Variants in EWSR1 observed in about 807,000 individuals in gnomAD.
EWSR1 encodes RNA-binding protein EWS.
In EWSR1, 14 loss-of-function variants were observed where a neutral mutation model predicts 92.1. The observed-to-expected ratio is 0.15, with a 90% CI of 0.10 to 0.24. The LOEUF (loss-of-function observed/expected upper bound fraction) is 0.24. Among genes scored for constraint, EWSR1 ranks in the 10% least tolerant of loss-of-function variants. The pLI, the probability that EWSR1 is intolerant of heterozygous loss-of-function variation, is 1.00. For synonymous variants in EWSR1, 303 were observed against 292.9 expected, an observed-to-expected ratio of 1.03 and a Z score of -0.35; for missense variants, 637 against 870.9, an observed-to-expected ratio of 0.73 and a Z score of 3.38.
chr22:29,272,833 C>A (rs568877345), intron 3 of EWSR1, among the ~76,000 whole-genome samples: 1 of 152,146 alleles, frequency 6.6e-6, no homozygotes, highest in Non-Finnish European at 1.5e-5. Flanking sequence ...CAGTAAGTGG[C>A]GGGGTTAGCT....
chr22:29,268,287 G>T lies in EWSR1; in HGVS notation c.-50G>T, dbSNP rs1281151601. Reference sequence around the variant, plus strand: ...GCCTGCGCAGTGCGGCGCCTAGAGGGAAAGCGAGAGGGAGACGGACGTTGA... The same window carrying T: ...GCCTGCGCAGTGCGGCGCCTAGAGGTAAAGCGAGAGGGAGACGGACGTTGA... On this transcript the variant is annotated 5_prime_UTR_variant, in exon 1 of 17. Coordinates refer to ENST00000397938, the MANE Select transcript of EWSR1 (RefSeq NM_005243.4). 6.2e-7 allele frequency: 1 copy of T among 1,607,460 alleles called. No homozygotes were observed. Among genetic ancestry groups the T allele is most frequent in the Non-Finnish European group, 8.5e-7 (1 of 1,174,048 alleles).
chr22:29,287,201 T>G, intron 7 of EWSR1, 67 bp downstream of exon 7: 1 of 1,485,058 alleles, frequency 6.7e-7, no homozygotes, highest in South Asian at 1.2e-5. Context: ...GGGGTTGATT[T>G]TTTTTGTTGG....
intron 1 of EWSR1, chr22:29,269,472 G>A (rs1304672351): frequency 1.3e-5 from 2 of 152,240 alleles, no homozygotes; most frequent in African/African-American, 4.8e-5. Flanking sequence ...ACTAACCCGC[G>A]AAAATTGGCA....
At position 29,292,564 on chromosome 22, in the gene EWSR1, A is replaced by T. The variant is rs1313671740; in HGVS notation, c.1122A>T (p.Leu374=). The change falls in exon 11 of 17, where the codon CTA becomes CTT. Residue 374 remains leucine (L), a synonymous_variant. Transcript: ENST00000397938. ...YVQGLNDSVT[L]DDLADFFKQC... ...AAGGATTAAATGACAGTGTGACTCT[A>T]GATGATCTGGCAGACTTCTTTAAGC... is the stretch of plus-strand genomic sequence containing the variant. 1 of 1,614,028 alleles carries T rather than the reference A, an allele frequency of 6.2e-7. No homozygotes were observed. The highest frequency in any genetic ancestry group is 1.7e-5 in the Admixed American group (1 of 60,016).
At chr22:29,282,813 A>G (rs1360134439) in intron 6 of EWSR1, among the ~76,000 whole-genome samples, 1 of 141,618 alleles carries the variant, frequency 7.1e-6, no homozygotes, top group East Asian at 2.1e-4. Flanking sequence ...CCCAGGCTGG[A>G]GTGCAGTGGC....
intron 6 of EWSR1, among the ~76,000 whole-genome samples, chr22:29,283,502 C>T (rs534315119): frequency 6.6e-6 from 1 of 151,128 alleles, no homozygotes; most frequent in South Asian, 2.1e-4. Context: ...GTGCATGCCA[C>T]CACACCTGAC....
chr22:29,290,459 C>T, intron 8 of EWSR1: 1 of 1,613,516 alleles, frequency 6.2e-7, no homozygotes, highest in Non-Finnish European at 8.5e-7. Flanking sequence ...TAAAAAGTAC[C>T]CGTACTCAGT....
At chr22:29,291,505 C>G in intron 8 of EWSR1, 57 bp from the exon 9 acceptor site, 4 of 1,571,896 alleles carry the variant, frequency 2.5e-6, no homozygotes, top group Non-Finnish European at 3.5e-6. Context: ...CCCCAAGGCT[C>G]AGAGCGGTAC....
intron 6 of EWSR1, among the ~76,000 whole-genome samples, chr22:29,284,362 G>A (rs897308724): frequency 1.3e-5 from 2 of 151,304 alleles, no homozygotes; most frequent in South Asian, 4.1e-4. Context: ...TAGAAGTAGC[G>A]GTTCCCTTTT....
rs574186075 is a variant in EWSR1 at position 29,295,919 on chromosome 22, A to G, written c.1165-320A>G. On this transcript the variant is annotated intron_variant, in intron 11 of 16. Coordinates refer to ENST00000397938, the MANE Select transcript of EWSR1 (RefSeq NM_005243.4). ...GTGGTATCAAAGTCTGACTACCCCT[A>G]CGAGGTGGCTGTGCTCAGTGGATAC... 2.0e-5 allele frequency: 6 copies of G among 302,586 alleles called. No homozygotes were observed. In the East Asian group the frequency reaches 2.6e-4, roughly 13 times the overall value. 18.7% of individuals were successfully genotyped at this position (302,586 alleles called of 1,614,324 possible). A position where few individuals can be genotyped will look rare whatever the true frequency, so the allele number is the denominator to read the frequency against.
At chr22:29,273,653 G>C in intron 3 of EWSR1, 88 bp from the exon 4 acceptor site, 2 of 1,440,446 alleles carry the variant, frequency 1.4e-6, no homozygotes, top group Non-Finnish European at 1.9e-6. Flanking sequence ...GAATGTTTTT[G>C]ATTTTGGTTC....
At chr22:29,275,126 G>T (rs552689751) in intron 4 of EWSR1, among the ~76,000 whole-genome samples, 40 of 152,308 alleles carry the variant, frequency 2.6e-4, no homozygotes, top group Non-Finnish European at 4.7e-4. Context: ...TTCTAGTGGT[G>T]TTAATTGCAG....
At chr22:29,292,860 G>A (rs148287921) in intron 11 of EWSR1, among the ~76,000 whole-genome samples, 1,559 of 149,208 alleles carry the variant, frequency 0.01, 20 homozygotes, top group Non-Finnish European at 0.012. Flanking sequence ...CTGTTCAAGC[G>A]AATCTCCTGC....
intron 8 of EWSR1, chr22:29,289,478 T>TG (rs2060287615): frequency 4.3e-6 from 1 of 232,612 alleles, no homozygotes; most frequent in South Asian, 1.8e-4. Flanking sequence ...GACATAACCC[T>TG]GCTGCCTCTG....
Position 29,297,810 on chromosome 22 carries a change from C to T in EWSR1, c.1295-17C>T, listed in dbSNP as rs369222077. On this transcript the variant is annotated splice_polypyrimidine_tract_variant and intron_variant, in intron 12 of 16. Coordinates refer to ENST00000397938, the MANE Select transcript of EWSR1 (RefSeq NM_005243.4). Reference sequence around the variant, plus strand: ...GGAGTACAGGGGAGTAATTGATGTTCTGTTGTCTTGTTCCAGGGAAAGATT... The same window carrying T: ...GGAGTACAGGGGAGTAATTGATGTTTTGTTGTCTTGTTCCAGGGAAAGATT... 7 of 1,613,302 alleles carry T rather than the reference C, an allele frequency of 4.3e-6. No homozygotes were observed. Among genetic ancestry groups the T allele is most frequent in the Non-Finnish European group, 3.4e-6 (4 of 1,179,768 alleles).
rs767241430 is a variant in EWSR1, at chr22:29,299,782, C to T, written c.1862C>T (p.Pro621Leu). ...GGGRRGGPGG[P>L]PGPLMEQMGG... ...GGAAGACGAGGTGGCCCTGGGGGGC[C>T]CCCTGGACCTTTGATGGAACAGATG... Residue 621 changes from proline to leucine, a missense_variant, in exon 16 of 17, where the codon CCC (proline) becomes CTC (leucine). By Grantham distance (98) the Pro-to-Leu change is moderately conservative (BLOSUM62 -3). This residue lies in a region of EWSR1 where 363 missense variants were observed against 447.8 expected (regional missense o/e 0.81). Transcript: ENST00000397938. 2 of 1,594,698 alleles carry T rather than the reference C, an allele frequency of 1.3e-6. No homozygotes were observed. The highest frequency in any genetic ancestry group is 1.7e-6 in the Non-Finnish European group (2 of 1,168,510).
intron 4 of EWSR1, chr22:29,277,046 G>T (rs755548310): frequency 8.7e-6 from 2 of 230,586 alleles, no homozygotes; most frequent in Non-Finnish European, 1.7e-5. Flanking sequence ...AGACTTTCGT[G>T]GTTTTGGTCA....
chr22:29,280,858 T>TGTG (rs1239574790), intron 5 of EWSR1, among the ~76,000 whole-genome samples: 1 of 119,666 alleles, frequency 8.4e-6, no homozygotes, highest in Non-Finnish European at 1.7e-5. Flanking sequence ...TGTGTGTGTG[T>TGTG]GTTGTTTTTT....
intron 5 of EWSR1, among the ~76,000 whole-genome samples, chr22:29,281,115 G>C (rs1189861458): frequency 6.6e-6 from 1 of 151,878 alleles, no homozygotes. Context: ...TCCTGACCTC[G>C]TGATCCTCCT....
Sources: allele counts gnomAD v4.1 joint callset (sites outside exome capture counted in the v4.1 genomes callset), GRCh38; gene constraint gnomAD v4.1.1; regional missense constraint gnomAD v4.1.1; transcripts MANE v1.5; gene names NCBI Gene and HGNC (gene_info 2026-07-23, HGNC 2026-07-21).